The following SELENOF variants were observed in gnomAD, a reference collection of about 807,000 sequenced individuals.
The protein encoded by SELENOF is 15 kDa selenoprotein.
Under a neutral mutation model 20.5 loss-of-function variants are expected in SELENOF, and 16 were observed. That is an observed-to-expected ratio of 0.78 (90% confidence interval 0.53 to 1.19). The LOEUF is 1.19. Among genes scored for constraint, SELENOF ranks in the 50% most tolerant of loss-of-function variants. The pLI is 0.00. For missense variants in SELENOF, 215 were observed against 194.2 expected (o/e 1.11, Z -0.64); for synonymous variants, 78 against 74.5 (o/e 1.05, Z -0.24).
intron 3 of SELENOF, among the ~76,000 whole-genome samples, chr1:86,868,994 AT>A (rs1658683379): frequency 6.6e-6 from 1 of 152,230 alleles, no homozygotes; most frequent in Non-Finnish European, 1.5e-5. Flanking sequence ...GTCAATAAAC[AT>A]TTGAAATAAA....
At chr1:86,912,458 C>T (rs1248261224) in intron 1 of SELENOF, among the ~76,000 whole-genome samples, 1 of 152,134 alleles carries the variant, frequency 6.6e-6, no homozygotes, top group African/African-American at 2.4e-5. Context: ...CTCTGTCATT[C>T]CTCCCATGTA....
intron 2 of SELENOF, among the ~76,000 whole-genome samples, chr1:86,885,293 G>C (rs1178982523): frequency 6.6e-6 from 1 of 152,142 alleles, no homozygotes; most frequent in Non-Finnish European, 1.5e-5. Context: ...TTCACATGTA[G>C]AAAAAGGCCA....
intron 2 of SELENOF, among the ~76,000 whole-genome samples, chr1:86,886,037 AG>A: frequency 6.6e-6 from 1 of 152,312 alleles, no homozygotes; most frequent in African/African-American, 2.4e-5. Context: ...GGGACTATTC[AG>A]GGATATTACT....
At chr1:86,869,541 CTGT>C (rs1658699870) in intron 3 of SELENOF, among the ~76,000 whole-genome samples, 1 of 151,968 alleles carries the variant, frequency 6.6e-6, no homozygotes, top group Non-Finnish European at 1.5e-5. Context: ...AAAATGTTTA[CTGT>C]TATTATTTTA....
At chr1:86,866,955 T>C (rs1296480701) in intron 4 of SELENOF, among the ~76,000 whole-genome samples, 1 of 152,200 alleles carries the variant, frequency 6.6e-6, no homozygotes, top group East Asian at 1.9e-4. Context: ...CACTCAGTTA[T>C]TTACCTCAAT....
At chr1:86,886,397 A>G (rs1659218544) in intron 2 of SELENOF, among the ~76,000 whole-genome samples, 1 of 151,980 alleles carries the variant, frequency 6.6e-6, no homozygotes. Flanking sequence ...AAGGTAAACC[A>G]TAAACATCGA....
chr1:86,883,685 T>C (rs1440948179), intron 2 of SELENOF, among the ~76,000 whole-genome samples: 1 of 152,234 alleles, frequency 6.6e-6, no homozygotes, highest in Non-Finnish European at 1.5e-5. Context: ...TCTATACCAC[T>C]GTTTCTTTAT....
chr1:86,873,044 AAAATAAATAAATAAATAAATAAATAAAT>A (rs71582985), intron 3 of SELENOF, among the ~76,000 whole-genome samples: 37,744 of 141,618 alleles, frequency 0.27, 6,102 homozygotes, highest in African/African-American at 0.45. Context: ...GACTCCGTCT[AAAATAAATAAATAAATAAATAAATAAAT>A]AAATAAATAA....
intron 2 of SELENOF, among the ~76,000 whole-genome samples, chr1:86,887,834 A>G (rs1355322398): frequency 6.6e-6 from 1 of 152,204 alleles, no homozygotes; most frequent in African/African-American, 2.4e-5. Context: ...ATCCAGGGTC[A>G]TCACTTGGGA....
At position 86,872,580 on chromosome 1, in the gene SELENOF, C is replaced by G. The variant is rs528506975; in HGVS notation, c.317-4478G>C. Among the ~76,000 whole-genome samples, 13 of 150,768 alleles carry G rather than the reference C, an allele frequency of 8.6e-5. No homozygotes were observed. The South Asian group carries it at 2.7e-3, about 31-fold the overall frequency. On this transcript the variant is annotated intron_variant, in intron 3 of 4. Coordinates refer to ENST00000331835, the MANE Select transcript of SELENOF (RefSeq NM_004261.5). ...ATTTTTAGTAAAGACGAGGTTTCTC[C>G]ATGTTGGTCAGGCTGGTGTCGAATT...
chr1:86,907,146 A>G (rs1419733922), intron 1 of SELENOF, among the ~76,000 whole-genome samples: 2 of 152,210 alleles, frequency 1.3e-5, no homozygotes, highest in Non-Finnish European at 1.5e-5. Flanking sequence ...TTATTTCTAA[A>G]CAGGGAGTAT....
At chr1:86,864,327 A>G (rs1658538087) in intron 4 of SELENOF, among the ~76,000 whole-genome samples, 1 of 152,202 alleles carries the variant, frequency 6.6e-6, no homozygotes, top group South Asian at 2.1e-4. Context: ...AGAAATTCTA[A>G]TTCTGGGTAA....
At chr1:86,896,187 G>C (rs1659519680) in intron 2 of SELENOF, among the ~76,000 whole-genome samples, 1 of 150,082 alleles carries the variant, frequency 6.7e-6, no homozygotes, top group Admixed American at 6.7e-5. Flanking sequence ...AGGTTGCAGT[G>C]AGCTGAGATC....
intron 3 of SELENOF, among the ~76,000 whole-genome samples, chr1:86,879,939 G>T (rs1033258703): frequency 7.2e-5 from 11 of 151,978 alleles, no homozygotes; most frequent in African/African-American, 2.7e-4. Context: ...TTGGTGATTT[G>T]TTATTTTGTA....
At chr1:86,910,171 C>G (rs1270297748) in intron 1 of SELENOF, among the ~76,000 whole-genome samples, 1 of 152,136 alleles carries the variant, frequency 6.6e-6, no homozygotes, top group Admixed American at 6.5e-5. Flanking sequence ...GAAGTTAAAA[C>G]TAAAAAATAC....
intron 3 of SELENOF, among the ~76,000 whole-genome samples, chr1:86,878,012 CATG>C (rs1399298448): frequency 6.6e-6 from 1 of 151,988 alleles, no homozygotes. Flanking sequence ...AGAAAAAAAA[CATG>C]ATTACTTAGG....
chr1:86,894,871 C>CA (rs1271622358), intron 2 of SELENOF, among the ~76,000 whole-genome samples: 2 of 152,110 alleles, frequency 1.3e-5, no homozygotes, highest in East Asian at 1.9e-4. Flanking sequence ...AACAAACAAA[C>CA]AAAAAAACCA....
chr1:86,900,067 G>C (rs1659649728), intron 2 of SELENOF, among the ~76,000 whole-genome samples: 1 of 151,280 alleles, frequency 6.6e-6, no homozygotes, highest in Non-Finnish European at 1.5e-5. Flanking sequence ...TCCTAGATGG[G>C]ATGGCGGCCG....
intron 4 of SELENOF, 30 bp downstream of exon 4, chr1:86,868,023 A>G: frequency 8.9e-7 from 1 of 1,125,908 alleles, no homozygotes; most frequent in Non-Finnish European, 1.2e-6. Flanking sequence ...TAAGGCTGGA[A>G]AAAAGAGATC....
Sources: gnomAD v4.1 joint callset for allele counts (sites outside exome capture counted in the v4.1 genomes callset) on GRCh38, gnomAD v4.1.1 for gene constraint, MANE v1.5 for transcripts, NCBI Gene and HGNC (gene_info 2026-07-23, HGNC 2026-07-21) for gene names.